Variants in USH2A observed in about 807,000 individuals in gnomAD.
USH2A encodes the protein Usher syndrome 2A (autosomal recessive, mild).
In USH2A, 443 loss-of-function variants were observed where a neutral mutation model predicts 538.9. That is an observed-to-expected ratio of 0.82 (90% CI 0.76 to 0.89). USH2A has a LOEUF of 0.89. Among genes scored for constraint, USH2A ranks in the 40% least tolerant of loss-of-function variants. The pLI is 0.00. For missense variants in USH2A, 6,633 were observed against 6,324.8 expected, an observed-to-expected ratio of 1.05 and a Z score of -1.65; for synonymous variants, 2,413 against 2,273.5, an observed-to-expected ratio of 1.06 and a Z score of -1.75.
In USH2A at chr1:215,670,974, G is replaced by A. The variant is rs747063294; in HGVS notation, c.14131C>T (p.Gln4711Ter). 4.3e-6 allele frequency: 7 copies of A among 1,613,872 alleles called. No homozygotes were observed. The highest frequency in any genetic ancestry group is 5.9e-6 in the Non-Finnish European group (7 of 1,179,930). The change falls in exon 64 of 72, where the codon CAG becomes TAG. Residue 4711 changes from glutamine (Q) to a stop codon, truncating the protein, a stop_gained and splice_region_variant. Transcript: ENST00000307340. LOFTEE classifies it high-confidence loss of function. Reference protein sequence around the residue: ...ELLPFTEYEYQVWAVNSAGKA... With the variant: ...ELLPFTEYEY ...TGTTTATAATACACATTTCTTACCT[G>A]ATACTCATACTCTGTGAAAGGCAAT...
At chr1:216,288,728 A>G (rs72733338) in intron 11 of USH2A, among the ~76,000 whole-genome samples, 201 of 152,312 alleles carry the variant, frequency 1.3e-3, no homozygotes, top group Middle Eastern at 6.8e-3. Flanking sequence ...GGTAGGATAC[A>G]TGAACTGAGG....
intron 4 of USH2A, among the ~76,000 whole-genome samples, chr1:216,350,447 C>A (rs981321563): frequency 2.0e-5 from 3 of 152,104 alleles, no homozygotes; most frequent in African/African-American, 7.2e-5. Flanking sequence ...AAAATCAAAA[C>A]CCAGTTATTT....
At chr1:215,982,994 A>G (rs1667784436) in intron 35 of USH2A, among the ~76,000 whole-genome samples, 1 of 152,166 alleles carries the variant, frequency 6.6e-6, no homozygotes, top group African/African-American at 2.4e-5. Flanking sequence ...CTTGTTGCCC[A>G]GGCTGGAGTG....
chr1:216,211,337 C>T (rs1404269549), intron 15 of USH2A, among the ~76,000 whole-genome samples: 1 of 152,146 alleles, frequency 6.6e-6, no homozygotes, highest in Non-Finnish European at 1.5e-5. Flanking sequence ...GCCTTGGGGA[C>T]TGACCCCTCA....
In USH2A at chr1:215,849,579, G is replaced by T. The variant is rs1663964110; in HGVS notation, c.8846-3546C>A. On this transcript the variant is annotated intron_variant, in intron 44 of 71. Coordinates refer to ENST00000307340, the MANE Select transcript of USH2A (RefSeq NM_206933.4). ...CAATAAATAATTATGGATATGAAAT[G>T]CCCCAATAAACCTTACCCAAAATGA... Among the ~76,000 whole-genome samples the T allele has an allele frequency of 5.3e-5, 8 of 151,962 alleles. No homozygotes were observed. In the South Asian group the frequency reaches 1.7e-3, roughly 32 times the overall value.
intron 58 of USH2A, among the ~76,000 whole-genome samples, chr1:215,749,985 A>AT (rs11438993): frequency 2.0e-4 from 30 of 152,182 alleles, no homozygotes; most frequent in African/African-American, 6.8e-4. Flanking sequence ...TTATTCAACT[A>AT]TTTTTCTCCA....
chr1:215,749,287 A>G (rs1660561586), intron 58 of USH2A, among the ~76,000 whole-genome samples: 1 of 152,220 alleles, frequency 6.6e-6, no homozygotes, highest in Admixed American at 6.5e-5. Flanking sequence ...AAGGAACAAA[A>G]CTGTGCTTCT....
intron 4 of USH2A, among the ~76,000 whole-genome samples, chr1:216,360,568 T>C (rs1464099858): frequency 6.6e-6 from 1 of 152,028 alleles, no homozygotes; most frequent in Non-Finnish European, 1.5e-5. Context: ...GTTCATCAAT[T>C]GTAACAAATA....
At chr1:216,257,521 C>T (rs74777942) in intron 11 of USH2A, among the ~76,000 whole-genome samples, 3,368 of 151,836 alleles carry the variant, frequency 0.022, 60 homozygotes, top group Middle Eastern at 0.12. Context: ...TTTGTGATTT[C>T]CTTCATGTTA....
At chr1:216,009,374 C>T (rs58000257) in intron 32 of USH2A, among the ~76,000 whole-genome samples, 5,122 of 152,142 alleles carry the variant, frequency 0.034, 234 homozygotes, top group African/African-American at 0.11. Flanking sequence ...TCTGCAATAC[C>T]GCTTGACCAC....
chr1:215,788,951 A>C (rs528460762), intron 51 of USH2A, among the ~76,000 whole-genome samples: 1 of 70,686 alleles, frequency 1.4e-5, no homozygotes, highest in Non-Finnish European at 3.3e-5. Flanking sequence ...CAAAACAAAA[A>C]AACAGGGGAA....
At chr1:216,410,175 CTGT>C (rs1229160830) in intron 3 of USH2A, among the ~76,000 whole-genome samples, 1 of 151,576 alleles carries the variant, frequency 6.6e-6, no homozygotes, top group Non-Finnish European at 1.5e-5. Context: ...GTCAGAATGT[CTGT>C]TATTAAAAAG....
intron 35 of USH2A, 67 bp downstream of exon 35, chr1:215,992,953 C>T (rs951916252): frequency 1.2e-6 from 2 of 1,606,690 alleles, no homozygotes; most frequent in East Asian, 2.2e-5. Flanking sequence ...ATATAAGCTG[C>T]CATTTAGAAT....
chr1:216,198,195 T>A (rs191481048), intron 18 of USH2A, 120 bp downstream of exon 18: 1 of 1,458,018 alleles, frequency 6.9e-7, no homozygotes, highest in South Asian at 1.3e-5. Flanking sequence ...TTTTCCTTGG[T>A]CTATGGAAGT....
rs1034827734 is a variant in USH2A, at chr1:215,904,404, T to C, written c.7301-3499A>G. ...TGAATATATTAAATTGTGAAATATT[T>C]CCAAACAGAATGGTCATCTTAAATT... On this transcript the variant is annotated intron_variant, in intron 38 of 71. Transcript: ENST00000307340. Among the ~76,000 whole-genome samples the C allele has an allele frequency of 2.6e-5, 4 of 152,212 alleles. No homozygotes were observed. The East Asian group carries it at 7.7e-4, about 29-fold the overall frequency.
intron 58 of USH2A, among the ~76,000 whole-genome samples, chr1:215,756,980 A>G (rs1281993222): frequency 6.6e-6 from 1 of 152,082 alleles, no homozygotes; most frequent in Non-Finnish European, 1.5e-5. Flanking sequence ...AAACAAAAGT[A>G]GAAATAAATT....
chr1:215,812,588 ACTAGATAT>A (rs1662727198), intron 49 of USH2A, among the ~76,000 whole-genome samples: 1 of 152,144 alleles, frequency 6.6e-6, no homozygotes, highest in Non-Finnish European at 1.5e-5. Flanking sequence ...TTCACCCTAA[ACTAGATAT>A]CTCAAAGTAT....
chr1:216,115,267 G>A (rs961396095), intron 21 of USH2A, among the ~76,000 whole-genome samples: 7 of 152,046 alleles, frequency 4.6e-5, no homozygotes, highest in African/African-American at 1.7e-4. Context: ...TCAGCCTCCT[G>A]AGTAGCTGGG....
intron 67 of USH2A, among the ~76,000 whole-genome samples, chr1:215,644,881 G>C (rs1030755256): frequency 2.0e-5 from 3 of 152,220 alleles, no homozygotes; most frequent in African/African-American, 7.2e-5. Context: ...AGAGGAGCTT[G>C]TTTGCTTTAA....
Sources: gnomAD v4.1 joint callset for allele counts (sites outside exome capture counted in the v4.1 genomes callset) on GRCh38, gnomAD v4.1.1 for gene constraint, MANE v1.5 for transcripts, NCBI Gene and HGNC (gene_info 2026-07-23, HGNC 2026-07-21) for gene names.